RAB32: variants seen among roughly 807,000 people sequenced by gnomAD.
RAB32 encodes ras-related protein Rab-32.
Under a neutral mutation model 17.5 loss-of-function variants are expected in RAB32, and 17 were observed. The observed-to-expected ratio is 0.97, with a 90% CI of 0.67 to 1.46. The LOEUF is 1.46. Ranked by LOEUF, RAB32 falls within the 40% of genes most tolerant of loss-of-function variation. The pLI, the probability that RAB32 is intolerant of heterozygous loss-of-function variation, is 0.00. For missense variants in RAB32, 288 were observed against 284.3 expected (o/e 1.01, Z -0.09); for synonymous variants, 115 against 111.1 (o/e 1.04, Z -0.22).
intron 2 of RAB32, among the ~76,000 whole-genome samples, chr6:146,553,383 G>A (rs1031833032): frequency 1.3e-5 from 2 of 152,156 alleles, no homozygotes; most frequent in African/African-American, 4.8e-5. Context: ...GAAGCAGTGT[G>A]CTTCCTGATA....
Position 146,554,707 on chromosome 6 carries a change from C to T in RAB32, c.*102C>T, listed in dbSNP as rs1430251290. 24 of 1,335,852 alleles carry T rather than the reference C, an allele frequency of 1.8e-5. No individual in the cohort carries two copies. The highest frequency in any genetic ancestry group is 8.8e-5 in the African/African-American group (6 of 67,798). The allele number at this position is 1,335,852 out of a possible 1,614,324, so 82.7% of individuals were successfully genotyped here. A position where few individuals can be genotyped will look rare whatever the true frequency, so the allele number is the denominator to read the frequency against. On this transcript the variant is annotated 3_prime_UTR_variant, in exon 3 of 3. Coordinates refer to ENST00000367495, the MANE Select transcript of RAB32 (RefSeq NM_006834.5). ...GCTGGGAGTCTTCCCACATGTGGCACTTCAAAAGGCAGCACCACTGGGCGC... is the reference window on the plus strand; with the variant it reads ...GCTGGGAGTCTTCCCACATGTGGCATTTCAAAAGGCAGCACCACTGGGCGC...
intron 1 of RAB32, among the ~76,000 whole-genome samples, chr6:146,544,911 C>T (rs1049891087): frequency 5.9e-5 from 9 of 151,502 alleles, no homozygotes; most frequent in Non-Finnish European, 1.0e-4. Flanking sequence ...TGGGAGTGGG[C>T]GTTTTAAAGA....
At chr6:146,551,439 G>C (rs2114786235) in intron 2 of RAB32, among the ~76,000 whole-genome samples, 1 of 152,198 alleles carries the variant, frequency 6.6e-6, no homozygotes, top group East Asian at 1.9e-4. Context: ...TGCCCAGGCT[G>C]GACTCAAACT....
rs1195249334 is a variant in RAB32 at position 146,549,546 on chromosome 6, T to C, written c.333T>C (p.Ser111=). 14 of 1,614,026 alleles carry C rather than the reference T, an allele frequency of 8.7e-6. No individual in the cohort carries two copies. The highest frequency in any genetic ancestry group is 1.2e-5 in the Non-Finnish European group (14 of 1,179,988). Reference sequence around the variant, plus strand: ...TTGTAGTCTTTGATATATCAAGAAGTTCCACATTTGAGGCAGTCTTAAAAT... The same window carrying C: ...TTGTAGTCTTTGATATATCAAGAAGCTCCACATTTGAGGCAGTCTTAAAAT... ...GAFVVFDISR[S]STFEAVLKWK... Residue 111 remains serine (S), a synonymous_variant, in exon 2 of 3, where the codon AGT becomes AGC. Coordinates refer to ENST00000367495, the MANE Select transcript of RAB32 (RefSeq NM_006834.5).
chr6:146,549,853 G>T, intron 2 of RAB32, 112 bp downstream of exon 2: 3 of 1,240,916 alleles, frequency 2.4e-6, no homozygotes, highest in Non-Finnish European at 3.3e-6. Context: ...TCTGGAAAAT[G>T]AGAAGTGTAG....
intron 2 of RAB32, among the ~76,000 whole-genome samples, chr6:146,552,057 G>A (rs1779904352): frequency 6.6e-6 from 1 of 152,162 alleles, no homozygotes; most frequent in Non-Finnish European, 1.5e-5. Flanking sequence ...ACTTTTGCTT[G>A]AATTGCAGTC....
At chr6:146,552,845 T>C (rs189031412) in intron 2 of RAB32, among the ~76,000 whole-genome samples, 27 of 152,286 alleles carry the variant, frequency 1.8e-4, no homozygotes, top group South Asian at 4.1e-4. Context: ...CCTGAGATAT[T>C]TTGTTGTGCA....
intron 2 of RAB32, among the ~76,000 whole-genome samples, chr6:146,552,729 G>A (rs543125018): frequency 7.9e-5 from 12 of 152,246 alleles, no homozygotes; most frequent in East Asian, 3.9e-4. Flanking sequence ...AACTTACCTC[G>A]TGCTCAAAAT....
chr6:146,553,466 C>T (rs1247619680), intron 2 of RAB32, among the ~76,000 whole-genome samples: 1 of 152,064 alleles, frequency 6.6e-6, no homozygotes, highest in African/African-American at 2.4e-5. Flanking sequence ...GATAAGGAAA[C>T]ATCGAACATC....
In RAB32 at chr6:146,544,769, G is replaced by GCC. The variant is rs376516336; in HGVS notation, c.250+656_250+657dup. ...ACCTAGTCCCATCCCTGGTGCCCTC[G>GCC]CCCCCCCCCGCCCCCCCCCCACTCC... is the stretch of plus-strand genomic sequence containing the variant. On this transcript the variant is annotated intron_variant, in intron 1 of 2. Transcript: ENST00000367495. Among the ~76,000 whole-genome samples, 138 of 59,862 alleles carry GCC rather than the reference G, an allele frequency of 2.3e-3. 3 individuals carry two copies. The highest frequency in any genetic ancestry group is 2.9e-3 in the African/African-American group (40 of 13,794). The allele number at this position is 59,862 out of a possible 152,430, so 39.3% of individuals were successfully genotyped here. A position where few individuals can be genotyped will look rare whatever the true frequency, so the allele number is the denominator to read the frequency against.
At chr6:146,547,425 C>G (rs1415131678) in intron 1 of RAB32, among the ~76,000 whole-genome samples, 1 of 151,984 alleles carries the variant, frequency 6.6e-6, no homozygotes, top group Non-Finnish European at 1.5e-5. Flanking sequence ...GAGTAACTCT[C>G]CTTTGGGCCA....
At position 146,554,559 on chromosome 6, in the gene RAB32, T is replaced by C. The variant is rs750433898; in HGVS notation, c.632T>C (p.Leu211Pro). The C allele has an allele frequency of 1.2e-6, 2 of 1,613,862 alleles. No homozygotes were observed. The highest frequency in any genetic ancestry group is 3.3e-5 in the Admixed American group (2 of 59,986). Residue 211 changes from leucine (L) to proline (P), a missense_variant, in exon 3 of 3, where the codon CTA becomes CCA. Transcript: ENST00000367495. ...GAAAACGATGTGGACAAAATTAAGC[T>C]AGATCAAGAGACCTTGAGAGCAGAG... ...NEENDVDKIKLDQETLRAENK... is the reference protein window; with the variant it reads ...NEENDVDKIKPDQETLRAENK...
At chr6:146,545,954 G>A (rs1363972819) in intron 1 of RAB32, among the ~76,000 whole-genome samples, 1 of 152,116 alleles carries the variant, frequency 6.6e-6, no homozygotes, top group Non-Finnish European at 1.5e-5. Context: ...ATTAAACTAC[G>A]ATTGGGTCCC....
chr6:146,548,141 A>G (rs1302310803), intron 1 of RAB32, among the ~76,000 whole-genome samples: 1 of 152,174 alleles, frequency 6.6e-6, no homozygotes, highest in Non-Finnish European at 1.5e-5. Context: ...ACATCACAAT[A>G]AAATATGAGC....
intron 1 of RAB32, among the ~76,000 whole-genome samples, chr6:146,545,046 C>A (rs1181809570): frequency 2.0e-5 from 3 of 152,046 alleles, no homozygotes; most frequent in Non-Finnish European, 2.9e-5. Flanking sequence ...AGTTCGAGAC[C>A]AGCCTGGGCT....
chr6:146,549,949 CA>C (rs1372871972), intron 2 of RAB32, among the ~76,000 whole-genome samples: 1 of 152,130 alleles, frequency 6.6e-6, no homozygotes, highest in Non-Finnish European at 1.5e-5. Flanking sequence ...GATTTTCCAT[CA>C]AAACAAAAAG....
chr6:146,551,160 G>A (rs950487849), intron 2 of RAB32, among the ~76,000 whole-genome samples: 3 of 152,216 alleles, frequency 2.0e-5, no homozygotes, highest in African/African-American at 7.2e-5. Flanking sequence ...ACTGCAGGCA[G>A]AAATGTACAC....
chr6:146,553,911 C>T (rs1017430001), intron 2 of RAB32, among the ~76,000 whole-genome samples: 29 of 152,126 alleles, frequency 1.9e-4, no homozygotes, highest in African/African-American at 5.8e-4. Flanking sequence ...AATGCTGTGA[C>T]GGCTAATAAT....
At chr6:146,551,519 A>G (rs1453644830) in intron 2 of RAB32, among the ~76,000 whole-genome samples, 2 of 150,740 alleles carry the variant, frequency 1.3e-5, no homozygotes, top group South Asian at 2.1e-4. Flanking sequence ...TCTTCTGGAC[A>G]CTCATGCCCT....
Sources: allele counts gnomAD v4.1 joint callset (sites outside exome capture counted in the v4.1 genomes callset), GRCh38; gene constraint gnomAD v4.1.1; transcripts MANE v1.5; gene names NCBI Gene and HGNC (gene_info 2026-07-23, HGNC 2026-07-21).